OXR1: variants seen among roughly 807,000 people sequenced by gnomAD.
OXR1 encodes oxidation resistance 1.
OXR1 carries 41 observed loss-of-function variants against 104.6 expected under a neutral mutation model. The ratio of observed to expected loss-of-function variants is 0.39; its 90% CI spans 0.31 to 0.51. The LOEUF is 0.51. Ranked by LOEUF, OXR1 falls within the 20% of genes least tolerant of loss-of-function variation. The probability of loss-of-function intolerance (pLI) is 0.77; values close to 1 mark genes in which losing one functional copy is unlikely to be tolerated. For synonymous variants in OXR1, 348 were observed against 348.4 expected (o/e 1.00, Z 0.01); for missense variants, 955 against 1,031.9 (o/e 0.93, Z 1.02).
intron 1 of OXR1, among the ~76,000 whole-genome samples, chr8:106,293,038 G>T (rs1262964527): frequency 1.3e-5 from 2 of 152,174 alleles, no homozygotes; most frequent in Non-Finnish European, 2.9e-5. Context: ...ATGTGGTAAA[G>T]GTAGCTGGAT....
chr8:106,589,131 G>T (rs562857579), intron 3 of OXR1, among the ~76,000 whole-genome samples: 1 of 152,300 alleles, frequency 6.6e-6, no homozygotes, highest in South Asian at 2.1e-4. Flanking sequence ...CAGCATGCAG[G>T]GGAGAGAGCG....
intron 3 of OXR1, among the ~76,000 whole-genome samples, chr8:106,599,355 G>T (rs1332676407): frequency 6.6e-6 from 1 of 152,102 alleles, no homozygotes; most frequent in Admixed American, 6.5e-5. Context: ...GGTCAAAAAT[G>T]AAAAAGGATG....
chr8:106,470,360 G>A (rs1259557429), intron 2 of OXR1, among the ~76,000 whole-genome samples: 1 of 151,786 alleles, frequency 6.6e-6, no homozygotes, highest in African/African-American at 2.4e-5. Flanking sequence ...TGAATGTAGA[G>A]CTAAGTTTTG....
chr8:106,696,266 G>A (rs1830021427), intron 7 of OXR1, among the ~76,000 whole-genome samples: 3 of 152,130 alleles, frequency 2.0e-5, no homozygotes, highest in South Asian at 2.1e-4. Context: ...TTAGCAATGT[G>A]TGTTTAAGAT....
intron 3 of OXR1, among the ~76,000 whole-genome samples, chr8:106,586,611 A>G (rs1260620585): frequency 1.3e-5 from 2 of 152,314 alleles, no homozygotes; most frequent in East Asian, 3.9e-4. Flanking sequence ...GTGATAGCAA[A>G]AACCATGGAA....
intron 3 of OXR1, among the ~76,000 whole-genome samples, chr8:106,541,994 C>T (rs1814989753): frequency 1.3e-5 from 2 of 152,278 alleles, no homozygotes; most frequent in South Asian, 4.1e-4. Context: ...AAAATTAAGG[C>T]TCAGACATGT....
In OXR1 at chr8:106,692,773, ACTGGTATTCGAC is replaced by A; in HGVS notation, c.575_586del (p.Gly192_Pro195del). On this transcript the variant is annotated inframe_deletion, in exon 7 of 17. Coordinates refer to ENST00000517566, the MANE Select transcript of OXR1 (RefSeq NM_001198533.2). ...AGAAGCAACTCCCTCATCTACTTTC[ACTGGTATTCGAC>A]CTGCACGAGTTGTATCTTCAACTTC... 6.3e-7 allele frequency: 1 copy of A among 1,588,786 alleles called. No individual in the cohort carries two copies. Among genetic ancestry groups the A allele is most frequent in the South Asian group, 1.1e-5 (1 of 86,960 alleles).
At chr8:106,749,997 C>T (rs959887919) in intron 16 of OXR1, among the ~76,000 whole-genome samples, 2 of 151,952 alleles carry the variant, frequency 1.3e-5, no homozygotes, top group African/African-American at 2.4e-5. Flanking sequence ...AAACTGAGCT[C>T]TTTTGCAAAC....
At position 106,343,554 on chromosome 8, in the gene OXR1, G is replaced by C. The variant is rs561128951; in HGVS notation, c.-138-15922G>C. On this transcript the variant is annotated intron_variant, in intron 1 of 16. Coordinates refer to ENST00000517566, the MANE Select transcript of OXR1 (RefSeq NM_001198533.2). Reference sequence around the variant, plus strand: ...TTAACATATAGCAAGAAAGAAACTAGAAACTCCAACCTTCCCATGAAGAGA... The same window carrying C: ...TTAACATATAGCAAGAAAGAAACTACAAACTCCAACCTTCCCATGAAGAGA... Among the ~76,000 whole-genome samples the C allele has an allele frequency of 4.6e-5, 7 of 152,312 alleles. No homozygotes were observed. The East Asian group carries it at 1.4e-3, about 29-fold the overall frequency.
In OXR1 at chr8:106,359,510, G is replaced by A. The variant is rs1251069971; in HGVS notation, c.-104G>A. 1 of 788,872 alleles carries A rather than the reference G, an allele frequency of 1.3e-6. No individual in the cohort carries two copies. The highest frequency in any genetic ancestry group is 1.5e-5 in the South Asian group (1 of 68,238). 48.9% of individuals were successfully genotyped at this position (788,872 alleles called of 1,614,324 possible). A position where few individuals can be genotyped will look rare whatever the true frequency, so the allele number is the denominator to read the frequency against. On this transcript the variant is annotated 5_prime_UTR_variant, in exon 2 of 17. Transcript: ENST00000517566. Reference sequence around the variant, plus strand: ...AACTGTGAGTAACTAAGTGGTTTGTGCATCATTCCAGAAGCAAAGCTAAAA... The same window carrying A: ...AACTGTGAGTAACTAAGTGGTTTGTACATCATTCCAGAAGCAAAGCTAAAA...
chr8:106,377,188 C>A (rs549323786), intron 2 of OXR1, among the ~76,000 whole-genome samples: 2 of 152,182 alleles, frequency 1.3e-5, no homozygotes, highest in African/African-American at 4.8e-5. Context: ...AATACACACA[C>A]TTTTCTTTTT....
At chr8:106,525,379 C>T (rs1015624146) in intron 3 of OXR1, among the ~76,000 whole-genome samples, 10 of 152,156 alleles carry the variant, frequency 6.6e-5, no homozygotes, top group Non-Finnish European at 4.4e-5. Context: ...GATCCAGACC[C>T]AGTTTAATGT....
chr8:106,514,141 G>T (rs1334566681), intron 2 of OXR1, among the ~76,000 whole-genome samples: 3 of 151,974 alleles, frequency 2.0e-5, no homozygotes, highest in East Asian at 3.9e-4. Context: ...CCTATTAAGA[G>T]CTTATTTTTG....
chr8:106,727,318 A>G (rs1302221049), intron 11 of OXR1, among the ~76,000 whole-genome samples: 1 of 152,228 alleles, frequency 6.6e-6, no homozygotes, highest in Non-Finnish European at 1.5e-5. Context: ...TACAAGCAAA[A>G]TAAATTGTGG....
At chr8:106,707,426 A>G in intron 9 of OXR1, 1 of 566,862 alleles carries the variant, frequency 1.8e-6, no homozygotes, top group Non-Finnish European at 3.1e-6. Context: ...ATTTCTTGAG[A>G]AATTGCACAA....
At chr8:106,592,916 G>C (rs916544051) in intron 3 of OXR1, among the ~76,000 whole-genome samples, 1 of 152,080 alleles carries the variant, frequency 6.6e-6, no homozygotes, top group Admixed American at 6.6e-5. Context: ...TTGCATAAAC[G>C]CTAGCAATAC....
intron 2 of OXR1, among the ~76,000 whole-genome samples, chr8:106,386,987 C>T (rs1358074672): frequency 2.0e-5 from 3 of 152,080 alleles, no homozygotes; most frequent in African/African-American, 2.4e-5. Flanking sequence ...GATGAAGCTG[C>T]TTCAGTAAGC....
chr8:106,500,571 C>T (rs1811740990), intron 2 of OXR1, among the ~76,000 whole-genome samples: 1 of 152,186 alleles, frequency 6.6e-6, no homozygotes, highest in African/African-American at 2.4e-5. Flanking sequence ...GATTTTAAGG[C>T]AGTAGCTTGA....
chr8:106,735,430 T>G (rs1306723286), intron 11 of OXR1, among the ~76,000 whole-genome samples: 2 of 152,172 alleles, frequency 1.3e-5, no homozygotes, highest in African/African-American at 4.8e-5. Context: ...CTCTTATTAG[T>G]AACTCCTACT....
Sources: allele counts gnomAD v4.1 joint callset (sites outside exome capture counted in the v4.1 genomes callset), GRCh38; gene constraint gnomAD v4.1.1; transcripts MANE v1.5; gene names NCBI Gene and HGNC (gene_info 2026-07-23, HGNC 2026-07-21).